The following CERK variants were observed in gnomAD, a reference collection of about 807,000 sequenced individuals.
CERK encodes the protein acylsphingosine kinase.
In CERK, 39 loss-of-function variants were observed where a neutral mutation model predicts 63.4. The observed-to-expected ratio is 0.61, with a 90% CI of 0.48 to 0.80. The LOEUF (loss-of-function observed/expected upper bound fraction) is 0.80. Among genes scored for constraint, CERK ranks in the 30% least tolerant of loss-of-function variants. The pLI, the probability that CERK is intolerant of heterozygous loss-of-function variation, is 0.00. For synonymous variants in CERK, 302 were observed against 280.0 expected, an observed-to-expected ratio of 1.08 and a Z score of -0.78; for missense variants, 670 against 714.1, an observed-to-expected ratio of 0.94 and a Z score of 0.70.
At chr22:46,734,384 G>A (rs2082961905) in intron 1 of CERK, among the ~76,000 whole-genome samples, 1 of 151,558 alleles carries the variant, frequency 6.6e-6, no homozygotes, top group Non-Finnish European at 1.5e-5. Flanking sequence ...ATGAGATAAA[G>A]CAGCCGGGCA....
At chr22:46,705,530 G>T (rs2082808874) in intron 6 of CERK, among the ~76,000 whole-genome samples, 2 of 152,176 alleles carry the variant, frequency 1.3e-5, no homozygotes, top group Non-Finnish European at 2.9e-5. Flanking sequence ...AATTAGCCAG[G>T]CATGGTGGTA....
rs539166421 is a variant in CERK, at chr22:46,728,044, A to T, written c.143-7029T>A. On this transcript the variant is annotated intron_variant, in intron 1 of 12. Transcript: ENST00000216264. The stretch of plus-strand genomic sequence containing the variant: ...CAGGAGGTTCTGGAGGGCAGGGTGG[A>T]ATTACACACCTGCGCAGCCCCTGTG... Among the ~76,000 whole-genome samples the T allele has an allele frequency of 9.5e-4, 144 of 152,258 alleles. 2 individuals carry two copies. The highest frequency in any genetic ancestry group is 3.2e-3 in the African/African-American group (133 of 41,548).
intron 1 of CERK, among the ~76,000 whole-genome samples, chr22:46,736,951 C>G (rs1294579964): frequency 6.6e-6 from 1 of 152,100 alleles, no homozygotes; most frequent in African/African-American, 2.4e-5. Flanking sequence ...ATTCCAGCTC[C>G]GCACATCCAG....
intron 3 of CERK, among the ~76,000 whole-genome samples, chr22:46,716,075 A>G (rs1291649783): frequency 6.6e-6 from 1 of 152,090 alleles, no homozygotes; most frequent in Non-Finnish European, 1.5e-5. Flanking sequence ...CTGTAGTCTC[A>G]GCTACTTGCG....
chr22:46,687,967 C>T (rs148221766), intron 12 of CERK, among the ~76,000 whole-genome samples: 1,992 of 152,212 alleles, frequency 0.013, 42 homozygotes, highest in African/African-American at 0.045. Context: ...GAGGTCCAGG[C>T]GGGCGGATCA....
At chr22:46,710,541 T>C (rs1048553819) in intron 5 of CERK, among the ~76,000 whole-genome samples, 9 of 152,162 alleles carry the variant, frequency 5.9e-5, no homozygotes, top group African/African-American at 2.2e-4. Flanking sequence ...ATTTCATTTC[T>C]AGGAATTTAC....
intron 1 of CERK, among the ~76,000 whole-genome samples, chr22:46,727,730 G>A (rs1016747350): frequency 1.3e-5 from 2 of 152,088 alleles, no homozygotes; most frequent in Admixed American, 6.5e-5. Context: ...TCTCAGGCAG[G>A]GGCCTGGTCA....
chr22:46,736,951 C>T (rs1294579964), intron 1 of CERK, among the ~76,000 whole-genome samples: 1 of 152,100 alleles, frequency 6.6e-6, no homozygotes, highest in Non-Finnish European at 1.5e-5. Context: ...ATTCCAGCTC[C>T]GCACATCCAG....
At position 46,685,556 on chromosome 22, in the gene CERK, T is replaced by C. The variant is rs2082695978; in HGVS notation, c.*1578A>G. On this transcript the variant is annotated 3_prime_UTR_variant, in exon 13 of 13. Transcript: ENST00000216264. ...GTCTGGAAGAGCAGCCCGTCTTAAA[T>C]CTTTGGTTTCTTTCCAACCAGGAGC... 1 of 152,218 alleles carries C rather than the reference T, an allele frequency of 6.6e-6. No homozygotes were observed. 9.4% of individuals were successfully genotyped at this position (152,218 alleles called of 1,614,324 possible). A position where few individuals can be genotyped will look rare whatever the true frequency, so the allele number is the denominator to read the frequency against.
intron 7 of CERK, among the ~76,000 whole-genome samples, 168 bp downstream of exon 7, chr22:46,701,468 G>A (rs1388792519): frequency 1.2e-4 from 19 of 152,276 alleles, no homozygotes; most frequent in Admixed American, 1.2e-3. Context: ...TCGGAGCTGC[G>A]TGCTGAGTGG....
At chr22:46,725,206 C>T (rs920094376) in intron 1 of CERK, among the ~76,000 whole-genome samples, 5 of 152,146 alleles carry the variant, frequency 3.3e-5, no homozygotes, top group African/African-American at 4.8e-5. Context: ...ATCGGCATTA[C>T]GCCCTAGTCT....
At position 46,686,510 on chromosome 22, in the gene CERK, T is replaced by A. The variant is rs1484447048; in HGVS notation, c.*624A>T. On this transcript the variant is annotated 3_prime_UTR_variant, in exon 13 of 13. Transcript: ENST00000216264. ...CCGGATTGTCGTAGCCTCGCCGCCGTGATGAGGCAGGTGTGGAGGCCCCAG... is the reference window on the plus strand; with the variant it reads ...CCGGATTGTCGTAGCCTCGCCGCCGAGATGAGGCAGGTGTGGAGGCCCCAG... 2 of 153,032 alleles carry A rather than the reference T, an allele frequency of 1.3e-5. No homozygotes were observed. The highest frequency in any genetic ancestry group is 2.9e-5 in the Non-Finnish European group (2 of 68,620). 9.5% of individuals were successfully genotyped at this position (153,032 alleles called of 1,614,324 possible). A position where few individuals can be genotyped will look rare whatever the true frequency, so the allele number is the denominator to read the frequency against.
intron 6 of CERK, among the ~76,000 whole-genome samples, chr22:46,707,588 C>G (rs2082819260): frequency 6.6e-6 from 1 of 152,242 alleles, no homozygotes; most frequent in African/African-American, 2.4e-5. Context: ...GGACTGCACC[C>G]CCAGCGGTGG....
At chr22:46,732,748 G>A (rs2082951614) in intron 1 of CERK, among the ~76,000 whole-genome samples, 1 of 152,120 alleles carries the variant, frequency 6.6e-6, no homozygotes, top group African/African-American at 2.4e-5. Context: ...CTTGCTGGTT[G>A]AGAGCAGCAT....
Position 46,687,971 on chromosome 22 carries a change from C to T in CERK, c.1542-765G>A, listed in dbSNP as rs801717. On this transcript the variant is annotated intron_variant, in intron 12 of 12. Coordinates refer to ENST00000216264, the MANE Select transcript of CERK (RefSeq NM_022766.6). Reference sequence around the variant, plus strand: ...CAGCACTTTGGGAGGTCCAGGCGGGCGGATCACCTGAGGTCAGGAGTTTGA... The same window carrying T: ...CAGCACTTTGGGAGGTCCAGGCGGGTGGATCACCTGAGGTCAGGAGTTTGA... Among the ~76,000 whole-genome samples the T allele has an allele frequency of 2.8e-3, 424 of 152,258 alleles. 1 individual carries two copies. The highest frequency in any genetic ancestry group is 9.6e-3 in the African/African-American group (401 of 41,564).
intron 1 of CERK, among the ~76,000 whole-genome samples, chr22:46,729,494 G>A (rs4823873): frequency 0.47 from 71,159 of 151,742 alleles, 19,193 homozygotes; most frequent in Non-Finnish European, 0.6. Flanking sequence ...CCGTAACCTC[G>A]AATTCCTGGT....
At chr22:46,731,002 G>A (rs1338748842) in intron 1 of CERK, among the ~76,000 whole-genome samples, 2 of 152,254 alleles carry the variant, frequency 1.3e-5, no homozygotes, top group Non-Finnish European at 2.9e-5. Flanking sequence ...CCAAGCCCAA[G>A]TGGCCAACTA....
chr22:46,691,178 G>A lies in CERK; in HGVS notation c.1332+394C>T, dbSNP rs570248844. Among the ~76,000 whole-genome samples the A allele has an allele frequency of 5.3e-5, 8 of 152,190 alleles. No individual in the cohort carries two copies. The East Asian group carries it at 1.2e-3, about 22-fold the overall frequency. ...TAGCCTCCACCTCCTGGGTTCAAGCGATTCTCATGCTTCAGCCTCCCGAGT... is the reference window on the plus strand; with the variant it reads ...TAGCCTCCACCTCCTGGGTTCAAGCAATTCTCATGCTTCAGCCTCCCGAGT... On this transcript the variant is annotated intron_variant, in intron 11 of 12. Transcript: ENST00000216264.
chr22:46,690,102 CT>C lies in CERK; in HGVS notation c.1430del (p.Lys477ArgfsTer74). On this transcript the variant is annotated frameshift_variant, in exon 12 of 13. Transcript: ENST00000216264. LOFTEE classifies it high-confidence loss of function. ...DEDSDLKEGG[K>X]KRFGHICSSH... ...TGCTGCAAATGTGCCCAAAGCGCTTCTTCCCCCCCTCCTTGAGGTCGCTGTC... is the reference window on the plus strand; with the variant it reads ...TGCTGCAAATGTGCCCAAAGCGCTTCTCCCCCCCTCCTTGAGGTCGCTGTC... The C allele has an allele frequency of 1.2e-6, 2 of 1,614,134 alleles. No individual in the cohort carries two copies. Among genetic ancestry groups the C allele is most frequent in the Non-Finnish European group, 1.7e-6 (2 of 1,180,032 alleles).
Sources: gnomAD v4.1 joint callset for allele counts (sites outside exome capture counted in the v4.1 genomes callset) on GRCh38, gnomAD v4.1.1 for gene constraint, MANE v1.5 for transcripts, NCBI Gene and HGNC (gene_info 2026-07-23, HGNC 2026-07-21) for gene names.